IGSF11: variants seen among roughly 807,000 people sequenced by gnomAD.
IGSF11 encodes immunoglobulin superfamily member 11, also known as CXADR like 1.
In IGSF11, 22 loss-of-function variants were observed where a neutral mutation model predicts 41.0. The ratio of observed to expected loss-of-function variants is 0.54; its 90% CI spans 0.38 to 0.77. The LOEUF (loss-of-function observed/expected upper bound fraction) is 0.77, where lower values mean the gene tolerates loss of function less well. Among genes scored for constraint, IGSF11 ranks in the 30% least tolerant of loss-of-function variants. The pLI is 0.00. For missense variants in IGSF11, 444 were observed against 530.8 expected, an observed-to-expected ratio of 0.84 and a Z score of 1.61; for synonymous variants, 219 against 201.3, an observed-to-expected ratio of 1.09 and a Z score of -0.74.
intron 1 of IGSF11, among the ~76,000 whole-genome samples, chr3:119,045,424 G>A (rs537457600): frequency 6.6e-6 from 1 of 152,348 alleles, no homozygotes; most frequent in Admixed American, 6.5e-5. Flanking sequence ...CCCGAATACT[G>A]CGCTTTTGCG....
intron 1 of IGSF11, among the ~76,000 whole-genome samples, chr3:118,996,456 A>G (rs954636667): frequency 1.3e-5 from 2 of 152,172 alleles, no homozygotes; most frequent in African/African-American, 4.8e-5. Context: ...TGATTTCTAC[A>G]ACAGCCTCTT....
intron 1 of IGSF11, among the ~76,000 whole-genome samples, chr3:119,115,127 T>C (rs912220034): frequency 2.6e-5 from 4 of 152,166 alleles, no homozygotes; most frequent in African/African-American, 7.2e-5. Flanking sequence ...AATATGAGAT[T>C]TGGGTGAGGA....
intron 1 of IGSF11, among the ~76,000 whole-genome samples, chr3:119,111,887 C>T (rs898698769): frequency 3.9e-5 from 6 of 152,216 alleles, no homozygotes; most frequent in Admixed American, 2.0e-4. Context: ...GTATCAGCAG[C>T]GGTGCCTGCA....
chr3:119,122,424 GT>G (rs1250659105), intron 1 of IGSF11, among the ~76,000 whole-genome samples: 1 of 152,244 alleles, frequency 6.6e-6, no homozygotes, highest in African/African-American at 2.4e-5. Context: ...TCTTGCCACT[GT>G]GGGTTGAAAT....
intron 1 of IGSF11, among the ~76,000 whole-genome samples, chr3:119,051,153 T>TAATAAATA (rs200702102): frequency 7.4e-5 from 11 of 149,180 alleles, no homozygotes; most frequent in Admixed American, 5.4e-4. Flanking sequence ...TAATAATAAT[T>TAATAAATA]AATAAATAAA....
rs145283779 is a variant in IGSF11, at chr3:119,141,117, T to G, written c.-14+4696A>C. 2.9e-3 allele frequency among the ~76,000 whole-genome samples: 410 copies of G among 139,088 alleles called. 2 individuals are homozygous for G. The highest frequency in any genetic ancestry group is 0.01 in the African/African-American group (391 of 37,460). The allele number at this position is 139,088 out of a possible 152,430, so 91.2% of individuals were successfully genotyped here. A position where few individuals can be genotyped will look rare whatever the true frequency, so the allele number is the denominator to read the frequency against. On this transcript the variant is annotated intron_variant, in intron 1 of 7. Transcript: ENST00000425327. The stretch of plus-strand genomic sequence containing the variant: ...TTAAAAGATAAATCAACAGAAAAAA[T>G]TTAGAAAAATCAGAAATATGTGGAA...
chr3:119,023,025 G>A (rs140846682), intron 1 of IGSF11, among the ~76,000 whole-genome samples: 20 of 152,228 alleles, frequency 1.3e-4, no homozygotes, highest in African/African-American at 4.8e-4. Flanking sequence ...ACTTTGGGAG[G>A]TTGAGGCAGG....
At chr3:119,043,227 G>A (rs1235384529) in intron 1 of IGSF11, among the ~76,000 whole-genome samples, 3 of 152,160 alleles carry the variant, frequency 2.0e-5, no homozygotes, top group Non-Finnish European at 4.4e-5. Flanking sequence ...ACTCAAAGGG[G>A]GTTGCTGTTG....
chr3:119,102,244 CT>C lies in IGSF11; in HGVS notation c.49+2899del, dbSNP rs1437660665. Among the ~76,000 whole-genome samples the C allele has an allele frequency of 2.0e-5, 3 of 152,298 alleles. No homozygotes were observed. The East Asian group carries it at 5.8e-4, about 29-fold the overall frequency. On this transcript the variant is annotated intron_variant, in intron 1 of 6. Coordinates refer to the IGSF11 transcript ENST00000354673. ...ATAAAAATTCATGGAATTATATTCT[CT>C]GGGTTTTTGCATATTCAGAGATGTC... is the stretch of plus-strand genomic sequence containing the variant.
intron 1 of IGSF11, among the ~76,000 whole-genome samples, chr3:119,031,638 T>C (rs1940408765): frequency 6.6e-6 from 1 of 152,206 alleles, no homozygotes; most frequent in Non-Finnish European, 1.5e-5. Context: ...GCTTGGTAAT[T>C]TAATATTTAA....
At chr3:119,004,103 T>G (rs1466333904) in intron 1 of IGSF11, among the ~76,000 whole-genome samples, 1 of 149,970 alleles carries the variant, frequency 6.7e-6, no homozygotes, top group Non-Finnish European at 1.5e-5. Flanking sequence ...TGGACTCTTT[T>G]TGGTTGGTAA....
intron 1 of IGSF11, among the ~76,000 whole-genome samples, chr3:119,002,397 GA>G (rs1936995980): frequency 6.6e-6 from 1 of 150,684 alleles, no homozygotes; most frequent in South Asian, 2.1e-4. Context: ...AGTAGGTTGT[GA>G]AAATTTTCTC....
At chr3:118,913,716 G>A (rs1468893821) in intron 4 of IGSF11, among the ~76,000 whole-genome samples, 5 of 151,950 alleles carry the variant, frequency 3.3e-5, no homozygotes, top group African/African-American at 1.2e-4. Context: ...AAGAAGCAAT[G>A]GAGCAAAAAA....
chr3:119,090,610 G>C (rs1412309014), intron 1 of IGSF11, among the ~76,000 whole-genome samples: 1 of 151,978 alleles, frequency 6.6e-6, no homozygotes, highest in Non-Finnish European at 1.5e-5. Flanking sequence ...TCTTTGACAA[G>C]GTCGACAAAA....
At chr3:119,049,504 C>T (rs1397132858) in intron 1 of IGSF11, among the ~76,000 whole-genome samples, 1 of 152,048 alleles carries the variant, frequency 6.6e-6, no homozygotes, top group Non-Finnish European at 1.5e-5. Flanking sequence ...AAAGAGGATA[C>T]AAACAAATGG....
At chr3:119,142,101 C>T (rs939546181) in intron 1 of IGSF11, among the ~76,000 whole-genome samples, 2 of 151,916 alleles carry the variant, frequency 1.3e-5, no homozygotes, top group African/African-American at 4.8e-5. Flanking sequence ...CGGTGAAACC[C>T]CCTCTCTACT....
upstream of IGSF11, among the ~76,000 whole-genome samples, chr3:119,107,579 C>T (rs1033266898): frequency 3.6e-4 from 54 of 151,972 alleles, no homozygotes; most frequent in African/African-American, 9.9e-4. Context: ...TGTGCAGAAG[C>T]TCTTTAGTTT....
At chr3:119,130,738 C>T (rs1201681272) in intron 1 of IGSF11, among the ~76,000 whole-genome samples, 2 of 152,140 alleles carry the variant, frequency 1.3e-5, no homozygotes, top group Non-Finnish European at 2.9e-5. Context: ...TGAAGTGGGT[C>T]CCTGACCCAC....
At chr3:118,994,430 G>A (rs938251481) in intron 1 of IGSF11, among the ~76,000 whole-genome samples, 3 of 152,206 alleles carry the variant, frequency 2.0e-5, no homozygotes, top group Non-Finnish European at 2.9e-5. Flanking sequence ...GCTGAGGCAG[G>A]AGAATCCCTT....
Sources: allele counts gnomAD v4.1 joint callset (sites outside exome capture counted in the v4.1 genomes callset), GRCh38; gene constraint gnomAD v4.1.1; transcripts MANE v1.5; gene names NCBI Gene and HGNC (gene_info 2026-07-23, HGNC 2026-07-21).